DCAF16: variants seen among roughly 807,000 people sequenced by gnomAD.
DCAF16 encodes the protein DDB1- and CUL4-associated factor 16.
A neutral mutation model predicts 17.3 loss-of-function variants in DCAF16; 10 were observed. The ratio of observed to expected loss-of-function variants is 0.58; its 90% confidence interval spans 0.36 to 0.98. The LOEUF is 0.98. DCAF16 is among the 50% of genes least tolerant of loss of function. The pLI is 0.01. For synonymous variants in DCAF16, 111 were observed against 92.8 expected (o/e 1.20, Z -1.12); for missense variants, 249 against 247.6 (o/e 1.01, Z -0.04).
chr4:17,801,655 T>A lies in DCAF16; in HGVS notation c.*1836A>T, dbSNP rs1311673757. 3.9e-5 allele frequency: 6 copies of A among 152,208 alleles called. No homozygotes were observed. The highest frequency in any genetic ancestry group is 4.8e-5 in the African/African-American group (2 of 41,438). 9.4% of individuals were successfully genotyped at this position (152,208 alleles called of 1,614,324 possible). On this transcript the variant is annotated 3_prime_UTR_variant, in exon 3 of 3. Transcript: ENST00000382247. ...GCATTTTATTTTACGTATACTGATT[T>A]CTACGTTTTGACTGACTATTTAAAT...
chr4:17,798,531 G>A (rs940724784), downstream of DCAF16, among the ~76,000 whole-genome samples: 2 of 151,904 alleles, frequency 1.3e-5, no homozygotes, highest in African/African-American at 2.4e-5. Context: ...AGGAGGTCGA[G>A]GCTGCGGTGA....
downstream of DCAF16, among the ~76,000 whole-genome samples, chr4:17,795,893 T>A (rs1719405500): frequency 6.6e-6 from 1 of 152,240 alleles, no homozygotes; most frequent in Non-Finnish European, 1.5e-5. Flanking sequence ...AAGCTGTTTT[T>A]TTACTGCTTG....
the DCAF16 span, among the ~76,000 whole-genome samples, chr4:17,795,335 A>AGGAT: frequency 6.6e-6 from 1 of 152,138 alleles, no homozygotes; most frequent in Non-Finnish European, 1.5e-5. Context: ...ATTCTGAAAT[A>AGGAT]TCCTAACAAT....
rs1406693482 is a variant in DCAF16, at chr4:17,803,836, A to G, written c.306T>C (p.His102=). Residue 102 remains histidine, a synonymous_variant, in exon 3 of 3, where the codon CAT becomes CAC. Transcript: ENST00000382247. ...EIGLRLSHCS[H]CVPKLEPIPE... ...GAATTGGTTCCAGTTTGGGGACACA[A>G]TGGGAACAATGGGAGAGTCTTAGAC... is the stretch of plus-strand genomic sequence containing the variant. The G allele has an allele frequency of 1.9e-6, 3 of 1,614,206 alleles. No individual in the cohort carries two copies. Among genetic ancestry groups the G allele is most frequent in the East Asian group, 2.2e-5 (1 of 44,878 alleles).
chr4:17,808,964 G>C lies in DCAF16; in HGVS notation c.-750+1483C>G, dbSNP rs559600654. 2.0e-5 allele frequency among the ~76,000 whole-genome samples: 3 copies of C among 152,296 alleles called. No individual in the cohort carries two copies. In the East Asian group the frequency reaches 5.8e-4, roughly 29 times the overall value. On this transcript the variant is annotated intron_variant, in intron 1 of 2. Coordinates refer to ENST00000382247, the MANE Select transcript of DCAF16 (RefSeq NM_017741.4). Reference sequence around the variant, plus strand: ...GAATCGCTTCAACCCGGGAGGCAGAGGTTGCAGTGAGCCGAGATCGCGCCA... The same window carrying C: ...GAATCGCTTCAACCCGGGAGGCAGACGTTGCAGTGAGCCGAGATCGCGCCA...
chr4:17,806,780 G>A (rs929001775), intron 1 of DCAF16, among the ~76,000 whole-genome samples: 56 of 152,208 alleles, frequency 3.7e-4, no homozygotes, highest in African/African-American at 1.3e-3. Flanking sequence ...TATGTCCTAT[G>A]ACTAAAGTCA....
At chr4:17,807,594 C>T (rs1321565195) in intron 1 of DCAF16, among the ~76,000 whole-genome samples, 9 of 152,254 alleles carry the variant, frequency 5.9e-5, no homozygotes, top group South Asian at 2.1e-4. Context: ...AAGAAATTCC[C>T]GTATGAACAA....
At chr4:17,798,878 T>G (rs953260314), downstream of DCAF16, among the ~76,000 whole-genome samples, 1 of 152,170 alleles carries the variant, frequency 6.6e-6, no homozygotes, top group Non-Finnish European at 1.5e-5. Context: ...AGACACATCA[T>G]AGACATTTTT....
At chr4:17,806,172 C>A (rs1421260685) in intron 1 of DCAF16, among the ~76,000 whole-genome samples, 2 of 152,176 alleles carry the variant, frequency 1.3e-5, no homozygotes, top group African/African-American at 4.8e-5. Context: ...TAGAGTTCAA[C>A]AATGTTCCTG....
At chr4:17,800,081 T>C (rs556226664), downstream of DCAF16, among the ~76,000 whole-genome samples, 72 of 150,342 alleles carry the variant, frequency 4.8e-4, no homozygotes, top group African/African-American at 1.7e-3. Context: ...GAGGTGGAGG[T>C]TGCAGTGAGC....
chr4:17,795,445 T>A, the DCAF16 span, among the ~76,000 whole-genome samples: 1 of 150,412 alleles, frequency 6.6e-6, no homozygotes, highest in South Asian at 2.1e-4. Context: ...TTATTTTAAT[T>A]TTTTTCTCTC....
chr4:17,804,191 C>G lies in DCAF16; in HGVS notation c.-50G>C. 3.5e-6 allele frequency: 5 copies of G among 1,447,420 alleles called. No homozygotes were observed. Among genetic ancestry groups the G allele is most frequent in the Non-Finnish European group, 4.7e-6 (5 of 1,068,680 alleles). 89.7% of individuals were successfully genotyped at this position (1,447,420 alleles called of 1,614,324 possible). A position where few individuals can be genotyped will look rare whatever the true frequency, so the allele number is the denominator to read the frequency against. Reference sequence around the variant, plus strand: ...AGAAAAAGGTAATAATCTAAGCCAGCAGAACACTGACTAACACTGGCAAAT... The same window carrying G: ...AGAAAAAGGTAATAATCTAAGCCAGGAGAACACTGACTAACACTGGCAAAT... On this transcript the variant is annotated 5_prime_UTR_variant, in exon 3 of 3. Transcript: ENST00000382247.
At chr4:17,797,151 T>C (rs1719466179), downstream of DCAF16, among the ~76,000 whole-genome samples, 1 of 152,032 alleles carries the variant, frequency 6.6e-6, no homozygotes, top group African/African-American at 2.4e-5. Flanking sequence ...TACTTAGACA[T>C]AAGAAAACAA....
chr4:17,806,056 A>C (rs1720293022), intron 1 of DCAF16, among the ~76,000 whole-genome samples: 1 of 152,234 alleles, frequency 6.6e-6, no homozygotes, highest in South Asian at 2.1e-4. Context: ...TGAAAGTTCT[A>C]ATCAACATTT....
chr4:17,809,275 AGT>A (rs1022735694), intron 1 of DCAF16: 9 of 152,320 alleles, frequency 5.9e-5, no homozygotes, highest in African/African-American at 1.7e-4. Flanking sequence ...AACGAAGTAA[AGT>A]GCTTAGCATG....
chr4:17,793,642 A>C, the DCAF16 span, among the ~76,000 whole-genome samples: 7 of 152,204 alleles, frequency 4.6e-5, no homozygotes, highest in East Asian at 1.3e-3. Flanking sequence ...AAATCTGAGA[A>C]CAACCAAAAC....
chr4:17,796,277 T>C (rs1719423101), downstream of DCAF16, among the ~76,000 whole-genome samples: 1 of 152,210 alleles, frequency 6.6e-6, no homozygotes, highest in Non-Finnish European at 1.5e-5. Context: ...AAGGCAAAGA[T>C]AGGTGTTCCA....
chr4:17,810,291 A>C (rs7667864), intron 1 of DCAF16, among the ~76,000 whole-genome samples, 156 bp downstream of exon 1: 107,497 of 152,120 alleles, frequency 0.71, 38,207 homozygotes, highest in South Asian at 0.85. Context: ...AACAGGGCCT[A>C]CACAGCTGCA....
At chr4:17,795,269 G>A in the DCAF16 span, among the ~76,000 whole-genome samples, 2 of 152,108 alleles carry the variant, frequency 1.3e-5, no homozygotes, top group Non-Finnish European at 2.9e-5. Context: ...TCCTTTTTAT[G>A]TAACTTTCTC....
Sources: allele counts gnomAD v4.1 joint callset (sites outside exome capture counted in the v4.1 genomes callset), GRCh38; gene constraint gnomAD v4.1.1; transcripts MANE v1.5; gene names NCBI Gene and HGNC (gene_info 2026-07-23, HGNC 2026-07-21).